The following COL5A2 variants were observed in gnomAD, a reference collection of about 807,000 sequenced individuals.
The protein encoded by COL5A2 is collagen type V alpha 2 chain.
A neutral mutation model predicts 208.2 loss-of-function variants in COL5A2; 23 were observed. The observed-to-expected ratio is 0.11, with a 90% CI of 0.08 to 0.16. The LOEUF (loss-of-function observed/expected upper bound fraction) is 0.16, where lower values mean the gene tolerates loss of function less well. Among genes scored for constraint, COL5A2 ranks in the 10% least tolerant of loss-of-function variants. The probability of loss-of-function intolerance (pLI) is 1.00; values close to 1 mark genes in which losing one functional copy is unlikely to be tolerated. For synonymous variants in COL5A2, 625 were observed against 628.5 expected, an observed-to-expected ratio of 0.99 and a Z score of 0.08; for missense variants, 1,590 against 1,956.4, an observed-to-expected ratio of 0.81 and a Z score of 3.53.
At chr2:189,126,252 C>CCTA (rs1268689616) in intron 1 of COL5A2, among the ~76,000 whole-genome samples, 1 of 151,712 alleles carries the variant, frequency 6.6e-6, no homozygotes, top group Non-Finnish European at 1.5e-5. Flanking sequence ...ATGCATATTA[C>CCTA]CTAAAAGTCA....
the COL5A2 span, among the ~76,000 whole-genome samples, chr2:189,362,515 C>G: frequency 6.6e-6 from 1 of 152,128 alleles, no homozygotes; most frequent in Non-Finnish European, 1.5e-5. Flanking sequence ...ACCAAGAGCA[C>G]AGCTGGATGA....
intron 50 of COL5A2, among the ~76,000 whole-genome samples, chr2:189,040,186 C>T (rs545630687): frequency 1.7e-3 from 257 of 152,242 alleles, no homozygotes; most frequent in African/African-American, 5.6e-3. Context: ...GGTCTTGCTA[C>T]TATGTTGCCC....
At chr2:189,412,196 G>C in the COL5A2 span, among the ~76,000 whole-genome samples, 3 of 152,088 alleles carry the variant, frequency 2.0e-5, no homozygotes, top group Non-Finnish European at 4.4e-5. Context: ...ACAATATCCT[G>C]TGAGCCGCAG....
the COL5A2 span, among the ~76,000 whole-genome samples, chr2:189,352,484 G>A: frequency 1.3e-5 from 2 of 152,030 alleles, no homozygotes; most frequent in Admixed American, 1.3e-4. Context: ...TTTAATGATC[G>A]CCATTCTAAC....
At chr2:189,308,448 G>A in the COL5A2 span, among the ~76,000 whole-genome samples, 3 of 150,336 alleles carry the variant, frequency 2.0e-5, no homozygotes, top group Admixed American at 6.6e-5. Flanking sequence ...ACATTTCTTC[G>A]ACATATTTTG....
chr2:189,298,815 A>G, the COL5A2 span, among the ~76,000 whole-genome samples: 1 of 152,156 alleles, frequency 6.6e-6, no homozygotes, highest in African/African-American at 2.4e-5. Context: ...ATCTAACACA[A>G]TCACTGCATG....
At chr2:189,322,313 G>C in the COL5A2 span, among the ~76,000 whole-genome samples, 1 of 152,066 alleles carries the variant, frequency 6.6e-6, no homozygotes, top group Non-Finnish European at 1.5e-5. Context: ...CAGAAGGCAA[G>C]AAATAACAAA....
chr2:189,135,057 G>A (rs1198787533), intron 1 of COL5A2, among the ~76,000 whole-genome samples: 1 of 152,102 alleles, frequency 6.6e-6, no homozygotes, highest in Non-Finnish European at 1.5e-5. Context: ...TATAACATAT[G>A]TAATAAATCT....
the COL5A2 span, among the ~76,000 whole-genome samples, chr2:189,399,847 A>T: frequency 7.2e-5 from 11 of 151,966 alleles, no homozygotes; most frequent in Non-Finnish European, 1.5e-4. Context: ...CTAGAGATAC[A>T]TGCCACCATG....
intron 51 of COL5A2, among the ~76,000 whole-genome samples, chr2:189,037,864 A>C (rs1685474601): frequency 6.6e-6 from 1 of 152,192 alleles, no homozygotes; most frequent in African/African-American, 2.4e-5. Flanking sequence ...AGGTCATGCA[A>C]GTAAATAAAT....
the COL5A2 span, among the ~76,000 whole-genome samples, chr2:189,388,078 C>T: frequency 6.6e-5 from 10 of 152,308 alleles, no homozygotes; most frequent in Middle Eastern, 3.4e-3. Flanking sequence ...AGCCACTAAG[C>T]CCAGCCTGTT....
At chr2:189,417,045 A>C in the COL5A2 span, among the ~76,000 whole-genome samples, 1 of 152,158 alleles carries the variant, frequency 6.6e-6, no homozygotes, top group African/African-American at 2.4e-5. Context: ...AAAGTTAAAA[A>C]TACATAGCTA....
At chr2:189,437,721 G>A in the COL5A2 span, among the ~76,000 whole-genome samples, 1 of 152,156 alleles carries the variant, frequency 6.6e-6, no homozygotes, top group Non-Finnish European at 1.5e-5. Flanking sequence ...GGAAACCTAA[G>A]AAGAGATAAA....
intron 30 of COL5A2, 60 bp downstream of exon 30, chr2:189,061,502 T>TTA (rs1686031382): frequency 2.3e-5 from 23 of 995,228 alleles, no homozygotes; most frequent in Non-Finnish European, 3.3e-5. Flanking sequence ...TCTTTTTTTT[T>TTA]AAAAAAAAAA....
At chr2:189,177,248 G>A (rs1435017162) in intron 1 of COL5A2, among the ~76,000 whole-genome samples, 2 of 152,146 alleles carry the variant, frequency 1.3e-5, no homozygotes, top group Non-Finnish European at 2.9e-5. Context: ...CTTTTCATGT[G>A]TGCCTCAGAT....
chr2:189,349,579 T>A, the COL5A2 span, among the ~76,000 whole-genome samples: 4 of 152,316 alleles, frequency 2.6e-5, no homozygotes, highest in Admixed American at 6.5e-5. Context: ...AGACAATGGA[T>A]TCCTGTTGAA....
chr2:189,209,963 C>T (rs1689191102), intron 1 of COL5A2, among the ~76,000 whole-genome samples: 1 of 152,108 alleles, frequency 6.6e-6, no homozygotes, highest in Admixed American at 6.6e-5. Flanking sequence ...TACATGAAGC[C>T]ATGAAGGCAG....
the COL5A2 span, among the ~76,000 whole-genome samples, chr2:189,440,721 T>C: frequency 1.3e-5 from 2 of 152,118 alleles, no homozygotes; most frequent in Non-Finnish European, 2.9e-5. Flanking sequence ...ATAAACATGT[T>C]GAGATTTTAG....
At chr2:189,181,200 A>G (rs931797354), upstream of COL5A2, among the ~76,000 whole-genome samples, 10 of 152,214 alleles carry the variant, frequency 6.6e-5, no homozygotes, top group South Asian at 8.3e-4. Flanking sequence ...GAAATCCAAG[A>G]ACCTTTGCAT....
Sources: allele counts gnomAD v4.1 joint callset (sites outside exome capture counted in the v4.1 genomes callset), GRCh38; gene constraint gnomAD v4.1.1; transcripts MANE v1.5; gene names NCBI Gene and HGNC (gene_info 2026-07-23, HGNC 2026-07-21).